The following SNTG2 variants were observed in gnomAD, a reference collection of about 807,000 sequenced individuals.
SNTG2 encodes syntrophin gamma 2, also known as gamma-2-syntrophin.
A neutral mutation model predicts 70.9 loss-of-function variants in SNTG2; 74 were observed. That is an observed-to-expected ratio of 1.04 (90% CI 0.86 to 1.27). SNTG2 has a LOEUF of 1.27. Ranked by LOEUF, SNTG2 falls within the 50% of genes most tolerant of loss-of-function variation. SNTG2 has a pLI of 0.00. For synonymous variants in SNTG2, 278 were observed against 273.8 expected, an observed-to-expected ratio of 1.02 and a Z score of -0.15; for missense variants, 717 against 690.7, an observed-to-expected ratio of 1.04 and a Z score of -0.43.
intron 1 of SNTG2, among the ~76,000 whole-genome samples, chr2:1,063,802 T>C (rs1662976879): frequency 1.3e-5 from 2 of 152,098 alleles, no homozygotes; most frequent in South Asian, 2.1e-4. Flanking sequence ...GAAAAAACTT[T>C]CACATTTATG....
intron 6 of SNTG2, among the ~76,000 whole-genome samples, chr2:1,150,371 T>C (rs1350360742): frequency 1.3e-5 from 2 of 152,130 alleles, no homozygotes; most frequent in African/African-American, 4.8e-5. Context: ...AAAGTAAATT[T>C]AGCTGTTTGC....
At position 1,029,054 on chromosome 2, in the gene SNTG2, C is replaced by T. The variant is rs1011667480; in HGVS notation, c.73-54464C>T. Among the ~76,000 whole-genome samples the T allele has an allele frequency of 1.9e-4, 29 of 152,280 alleles. No individual in the cohort carries two copies. The East Asian group carries it at 5.0e-3, about 26-fold the overall frequency. On this transcript the variant is annotated intron_variant, in intron 1 of 16. Transcript: ENST00000308624. ...CAGGCAGGATCGGGAGGGGCTCCGG[C>T]GGCCTGGACAGCAGGCCCCCACGTT...
At chr2:1,217,664 T>C (rs542218422) in intron 9 of SNTG2, among the ~76,000 whole-genome samples, 4 of 152,290 alleles carry the variant, frequency 2.6e-5, no homozygotes, top group African/African-American at 2.4e-5. Flanking sequence ...ATTTCTATTA[T>C]GTAGAAATGT....
intron 6 of SNTG2, among the ~76,000 whole-genome samples, chr2:1,152,883 G>C (rs1669607696): frequency 6.6e-6 from 1 of 152,052 alleles, no homozygotes; most frequent in Non-Finnish European, 1.5e-5. Context: ...CAGCACTTTG[G>C]GAGGCCAAGG....
intron 4 of SNTG2, among the ~76,000 whole-genome samples, chr2:1,124,114 ATTATC>A (rs1023406738): frequency 1.9e-4 from 26 of 135,218 alleles, no homozygotes; most frequent in African/African-American, 6.8e-4. Flanking sequence ...TGCTAAGAAA[ATTATC>A]TTGTTTTCAT....
intron 9 of SNTG2, among the ~76,000 whole-genome samples, chr2:1,232,766 TTAAAA>T (rs1285919818): frequency 1.1e-4 from 17 of 152,348 alleles, no homozygotes; most frequent in East Asian, 3.9e-4. Context: ...AGAGACAGTT[TTAAAA>T]TAAAATATGT....
intron 8 of SNTG2, among the ~76,000 whole-genome samples, chr2:1,175,373 C>A (rs188424792): frequency 6.6e-6 from 1 of 152,234 alleles, no homozygotes; most frequent in East Asian, 1.9e-4. Flanking sequence ...TAGGCCTTGC[C>A]CTCTTGCCAC....
At chr2:1,194,576 G>A (rs916458337) in intron 8 of SNTG2, among the ~76,000 whole-genome samples, 15 of 152,046 alleles carry the variant, frequency 9.9e-5, no homozygotes, top group East Asian at 1.9e-4. Flanking sequence ...TAGTGATGTC[G>A]TGTTGCCGCC....
chr2:1,150,325 A>AGGC (rs1212239387), intron 6 of SNTG2, among the ~76,000 whole-genome samples: 2 of 152,170 alleles, frequency 1.3e-5, no homozygotes, highest in African/African-American at 4.8e-5. Context: ...GGGATCGAAA[A>AGGC]GGCTGTCTGT....
At chr2:1,245,133 AG>A (rs1237869064) in intron 11 of SNTG2, among the ~76,000 whole-genome samples, 2 of 62,732 alleles carry the variant, frequency 3.2e-5, no homozygotes, top group African/African-American at 1.3e-4. Context: ...GGGTGGGGGG[AG>A]GGGGGAGGGA....
intron 2 of SNTG2, among the ~76,000 whole-genome samples, chr2:1,089,326 G>A (rs1463781565): frequency 6.6e-6 from 1 of 152,158 alleles, no homozygotes; most frequent in Non-Finnish European, 1.5e-5. Flanking sequence ...TTAAAATAAT[G>A]AACAGTTTGG....
intron 1 of SNTG2, among the ~76,000 whole-genome samples, chr2:1,014,955 G>A (rs1255097370): frequency 1.3e-5 from 2 of 152,134 alleles, no homozygotes; most frequent in Non-Finnish European, 2.9e-5. Context: ...GAGGGGTGGA[G>A]GGGGAGCCTG....
chr2:975,218 T>C (rs1660871684), intron 1 of SNTG2, among the ~76,000 whole-genome samples: 1 of 151,480 alleles, frequency 6.6e-6, no homozygotes, highest in Non-Finnish European at 1.5e-5. Flanking sequence ...CACCACACGC[T>C]TGGACTCACA....
chr2:1,308,766 A>G (rs564733535), intron 15 of SNTG2, among the ~76,000 whole-genome samples, 180 bp downstream of exon 15: 81 of 152,302 alleles, frequency 5.3e-4, no homozygotes, highest in East Asian at 3.9e-4. Flanking sequence ...GGATCGCCAC[A>G]AGCCCTGAGG....
intron 2 of SNTG2, among the ~76,000 whole-genome samples, chr2:1,095,290 G>T (rs1248216725): frequency 6.6e-6 from 1 of 152,104 alleles, no homozygotes; most frequent in African/African-American, 2.4e-5. Flanking sequence ...TCCTATTAGG[G>T]CTCACAGTAC....
chr2:962,385 C>T (rs1391813460), intron 1 of SNTG2, among the ~76,000 whole-genome samples: 2 of 152,188 alleles, frequency 1.3e-5, no homozygotes, highest in East Asian at 1.9e-4. Context: ...AGATAAGTTT[C>T]GTACCATACA....
intron 8 of SNTG2, among the ~76,000 whole-genome samples, chr2:1,189,376 C>T: frequency 7.5e-6 from 1 of 133,532 alleles, no homozygotes; most frequent in East Asian, 3.5e-4. Context: ...ATTAACAAGA[C>T]AGTTCTCAAC....
chr2:1,266,641 A>G (rs1162056226), intron 13 of SNTG2, among the ~76,000 whole-genome samples: 2 of 151,394 alleles, frequency 1.3e-5, no homozygotes, highest in Admixed American at 6.6e-5. Flanking sequence ...AATTCTATAG[A>G]GACTCGGAGG....
chr2:1,127,153 G>A (rs28780704), intron 4 of SNTG2, among the ~76,000 whole-genome samples: 18,316 of 151,842 alleles, frequency 0.12, 1,470 homozygotes, highest in East Asian at 0.27. Context: ...GTGAGAGATG[G>A]GAGTCCAGTT....
Sources: gnomAD v4.1 joint callset for allele counts (sites outside exome capture counted in the v4.1 genomes callset) on GRCh38, gnomAD v4.1.1 for gene constraint, MANE v1.5 for transcripts, NCBI Gene and HGNC (gene_info 2026-07-23, HGNC 2026-07-21) for gene names.